The following SLC2A13 variants were observed in gnomAD, a reference collection of about 807,000 sequenced individuals.
The protein encoded by SLC2A13 is solute carrier family 2 member 13.
Under a neutral mutation model 64.4 loss-of-function variants are expected in SLC2A13, and 32 were observed. The ratio of observed to expected loss-of-function variants is 0.50; its 90% CI spans 0.37 to 0.67. SLC2A13 has a LOEUF of 0.67. Ranked by LOEUF, SLC2A13 falls within the 30% of genes least tolerant of loss-of-function variation. SLC2A13 has a pLI of 0.00. For missense variants in SLC2A13, 743 were observed against 829.2 expected (o/e 0.90, Z 1.28); for synonymous variants, 338 against 327.1 (o/e 1.03, Z -0.36).
At chr12:39,848,760 T>C (rs1943388070) in intron 6 of SLC2A13, among the ~76,000 whole-genome samples, 1 of 152,140 alleles carries the variant, frequency 6.6e-6, no homozygotes, top group Non-Finnish European at 1.5e-5. Flanking sequence ...AGCAAAGACA[T>C]GGACTCAACA....
chr12:39,773,555 T>C (rs912903064), intron 7 of SLC2A13, among the ~76,000 whole-genome samples: 15 of 152,100 alleles, frequency 9.9e-5, no homozygotes, highest in African/African-American at 3.4e-4. Flanking sequence ...ATCTTTAGAG[T>C]TTCAAACCTA....
At chr12:39,850,129 C>T (rs1943428700) in intron 6 of SLC2A13, among the ~76,000 whole-genome samples, 1 of 152,096 alleles carries the variant, frequency 6.6e-6, no homozygotes, top group South Asian at 2.1e-4. Context: ...CTCCTTTCTC[C>T]TCAGCCTTGG....
chr12:39,912,726 T>C (rs1945450909), intron 4 of SLC2A13, among the ~76,000 whole-genome samples: 1 of 152,046 alleles, frequency 6.6e-6, no homozygotes, highest in African/African-American at 2.4e-5. Context: ...TCTGGAGCCC[T>C]GCCATAGTGT....
At chr12:39,858,912 A>G (rs1303727625) in intron 6 of SLC2A13, among the ~76,000 whole-genome samples, 1 of 152,084 alleles carries the variant, frequency 6.6e-6, no homozygotes, top group African/African-American at 2.4e-5. Flanking sequence ...GACCGTTTTT[A>G]CACATTTCTA....
chr12:39,781,071 T>A (rs1314275903), intron 7 of SLC2A13, among the ~76,000 whole-genome samples: 1 of 152,208 alleles, frequency 6.6e-6, no homozygotes, highest in East Asian at 1.9e-4. Context: ...CTTCACAGAT[T>A]AAGCATTTTA....
chr12:39,932,534 A>T (rs1565548525), intron 4 of SLC2A13, among the ~76,000 whole-genome samples: 1 of 152,226 alleles, frequency 6.6e-6, no homozygotes. Flanking sequence ...AGACAGTTCA[A>T]AGGTTAACAG....
intron 3 of SLC2A13, among the ~76,000 whole-genome samples, chr12:39,972,022 T>TATATATA (rs368933021): frequency 2.2e-5 from 2 of 92,394 alleles, no homozygotes; most frequent in African/African-American, 4.1e-5. Context: ...ATATTTTTTT[T>TATATATA]TATATAAATA....
At chr12:39,981,648 C>G (rs1191055806) in intron 3 of SLC2A13, among the ~76,000 whole-genome samples, 7 of 152,034 alleles carry the variant, frequency 4.6e-5, no homozygotes, top group Non-Finnish European at 8.8e-5. Context: ...TCTCTGAATA[C>G]ACCAATAACA....
chr12:40,080,139 G>C (rs368638486), intron 1 of SLC2A13, among the ~76,000 whole-genome samples: 1 of 152,138 alleles, frequency 6.6e-6, no homozygotes, highest in African/African-American at 2.4e-5. Context: ...TGGGATTACC[G>C]GTGTGAGCCA....
At chr12:39,957,484 A>C (rs967719309) in intron 3 of SLC2A13, among the ~76,000 whole-genome samples, 1 of 152,154 alleles carries the variant, frequency 6.6e-6, no homozygotes, top group African/African-American at 2.4e-5. Flanking sequence ...CATTTTCTTC[A>C]TCATTTTCAT....
chr12:40,077,878 G>T (rs1430021534), intron 1 of SLC2A13, among the ~76,000 whole-genome samples: 3 of 152,028 alleles, frequency 2.0e-5, no homozygotes, highest in East Asian at 3.8e-4. Context: ...TCCCTGTATA[G>T]CTGTATTCCT....
chr12:39,833,886 T>C (rs7358574), intron 6 of SLC2A13, among the ~76,000 whole-genome samples: 102,534 of 145,878 alleles, frequency 0.7, 36,516 homozygotes, highest in African/African-American at 0.83. Flanking sequence ...CTCTGAAGCA[T>C]GGTCATAAAA....
chr12:40,071,955 G>T (rs1176296356), intron 1 of SLC2A13, among the ~76,000 whole-genome samples: 1 of 151,676 alleles, frequency 6.6e-6, no homozygotes, highest in African/African-American at 2.4e-5. Context: ...CTTATCTTCT[G>T]CCTACCTTGG....
At chr12:39,883,199 A>G (rs1212099875) in intron 4 of SLC2A13, among the ~76,000 whole-genome samples, 1 of 152,180 alleles carries the variant, frequency 6.6e-6, no homozygotes, top group Non-Finnish European at 1.5e-5. Flanking sequence ...CAAACAATCC[A>G]AAGGATTAAA....
intron 4 of SLC2A13, chr12:39,907,726 G>A (rs1360085907): frequency 6.6e-6 from 1 of 150,524 alleles, no homozygotes; most frequent in Admixed American, 6.8e-5. Context: ...TGTGAAACAG[G>A]AAGCTGTAAA....
At position 39,868,082 on chromosome 12, in the gene SLC2A13, T is replaced by G. The variant is rs574939624; in HGVS notation, c.1199-3200A>C. On this transcript the variant is annotated intron_variant, in intron 5 of 9. Transcript: ENST00000280871. The stretch of plus-strand genomic sequence containing the variant: ...TAGTTACAGATGTTTTATCAGTCCC[T>G]TGTTAGTATTTAAAATCAATCTGGT... Among the ~76,000 whole-genome samples the G allele has an allele frequency of 8.5e-5, 13 of 152,354 alleles. No homozygotes were observed. The South Asian group carries it at 2.7e-3, about 32-fold the overall frequency.
At chr12:39,959,163 C>T (rs1946366140) in intron 3 of SLC2A13, among the ~76,000 whole-genome samples, 1 of 152,150 alleles carries the variant, frequency 6.6e-6, no homozygotes, top group African/African-American at 2.4e-5. Context: ...TTAGAAACTA[C>T]CACCAAGATC....
At chr12:39,899,390 G>A (rs1005894567) in intron 4 of SLC2A13, among the ~76,000 whole-genome samples, 1 of 151,904 alleles carries the variant, frequency 6.6e-6, no homozygotes, top group Admixed American at 6.6e-5. Context: ...TATTAGTCTT[G>A]CTAGCGGTCT....
intron 4 of SLC2A13, among the ~76,000 whole-genome samples, chr12:39,900,148 G>T (rs4595612): frequency 0.42 from 63,932 of 151,798 alleles, 13,862 homozygotes; most frequent in East Asian, 0.76. Context: ...CAACCCTTCA[G>T]GCTAAAAACT....
Sources: allele counts gnomAD v4.1 joint callset (sites outside exome capture counted in the v4.1 genomes callset), GRCh38; gene constraint gnomAD v4.1.1; transcripts MANE v1.5; gene names NCBI Gene and HGNC (gene_info 2026-07-23, HGNC 2026-07-21).